The following SOX5 variants were observed in gnomAD, a reference collection of about 807,000 sequenced individuals.
SOX5 encodes the protein SRY-box transcription factor 5.
Under a neutral mutation model 92.0 loss-of-function variants are expected in SOX5, and 9 were observed. That is an observed-to-expected ratio of 0.10 (90% confidence interval 0.06 to 0.17). SOX5 has a LOEUF of 0.17. SOX5 is among the 10% of genes least tolerant of loss of function. SOX5 has a pLI of 1.00. For synonymous variants in SOX5, 344 were observed against 336.3 expected (o/e 1.02, Z -0.25); for missense variants, 642 against 944.5 (o/e 0.68, Z 4.20).
At chr12:24,412,283 A>G (rs1437304485) in intron 1 of SOX5, among the ~76,000 whole-genome samples, 1 of 151,678 alleles carries the variant, frequency 6.6e-6, no homozygotes, top group Non-Finnish European at 1.5e-5. Flanking sequence ...TTTCAATTTT[A>G]TTGACTTTTG....
In SOX5 at chr12:23,618,070, C is replaced by T. The variant is rs116740136; in HGVS notation, c.1018-13537G>A. On this transcript the variant is annotated intron_variant, in intron 8 of 14. Coordinates refer to ENST00000451604, the MANE Select transcript of SOX5 (RefSeq NM_006940.6). ...GGAGGATGAACACTCTGCATCTATT[C>T]CTGAGGTCACCAACCAGCAAATACA... Among the ~76,000 whole-genome samples, 1,038 of 152,236 alleles carry T rather than the reference C, an allele frequency of 6.8e-3. 14 individuals carry two copies. The highest frequency in any genetic ancestry group is 0.024 in the African/African-American group (990 of 41,530).
intron 2 of SOX5, among the ~76,000 whole-genome samples, chr12:23,885,166 C>T (rs1488816840): frequency 6.6e-6 from 1 of 152,136 alleles, no homozygotes; most frequent in Admixed American, 6.5e-5. Flanking sequence ...TGTGTTTATG[C>T]AGAGGGAAAG....
At chr12:23,698,634 T>G (rs564779149) in intron 6 of SOX5, among the ~76,000 whole-genome samples, 1 of 152,328 alleles carries the variant, frequency 6.6e-6, no homozygotes, top group African/African-American at 2.4e-5. Flanking sequence ...ATGCCACTTT[T>G]GATTATTTTT....
At chr12:24,048,418 G>A (rs779380237) in intron 4 of SOX5, among the ~76,000 whole-genome samples, 1 of 152,096 alleles carries the variant, frequency 6.6e-6, no homozygotes, top group African/African-American at 2.4e-5. Context: ...TTATAAACAG[G>A]AGCAGTTCCT....
rs61756179 is a variant in SOX5 at position 23,604,447 on chromosome 12, A to G, written c.1104T>C (p.Ala368=). 1 of 1,613,884 alleles carries G rather than the reference A, an allele frequency of 6.2e-7. No homozygotes were observed. Among genetic ancestry groups the G allele is most frequent in the Non-Finnish European group, 8.5e-7 (1 of 1,179,842 alleles). ...CTGTGTGAATGCTGGTAGGAGATACAGCAGCACCAAGGTTGCCTTGGGGTA... is the reference window on the plus strand; with the variant it reads ...CTGTGTGAATGCTGGTAGGAGATACGGCAGCACCAAGGTTGCCTTGGGGTA... ...PGIPQGNLGA[A]VSPTSIHTDK... The change falls in exon 9 of 15, where the codon GCT becomes GCC. Residue 368 remains alanine (A), a synonymous_variant. Transcript: ENST00000451604.
intron 10 of SOX5, among the ~76,000 whole-genome samples, chr12:23,575,034 C>G (rs1456389584): frequency 6.6e-6 from 1 of 152,166 alleles, no homozygotes; most frequent in Non-Finnish European, 1.5e-5. Flanking sequence ...ATCAATAAAC[C>G]TGTGTTGAAA....
At chr12:23,976,817 G>A (rs1379633153) in intron 4 of SOX5, among the ~76,000 whole-genome samples, 1 of 147,724 alleles carries the variant, frequency 6.8e-6, no homozygotes, top group Admixed American at 6.8e-5. Context: ...TGTTGTTGTT[G>A]TTTTTTTTTT....
At chr12:24,318,211 AAAT>A (rs1949883693) in intron 2 of SOX5, among the ~76,000 whole-genome samples, 1 of 152,198 alleles carries the variant, frequency 6.6e-6, no homozygotes. Flanking sequence ...TCTGTCTCAA[AAAT>A]AATAATAAAA....
intron 3 of SOX5, among the ~76,000 whole-genome samples, chr12:24,273,109 G>A (rs1281904098): frequency 6.6e-6 from 1 of 152,062 alleles, no homozygotes; most frequent in African/African-American, 2.4e-5. Flanking sequence ...GGTGACATGT[G>A]CCTGTTAAGC....
intron 1 of SOX5, among the ~76,000 whole-genome samples, chr12:24,392,607 T>A (rs546995597): frequency 1.3e-5 from 2 of 152,216 alleles, no homozygotes; most frequent in South Asian, 4.1e-4. Flanking sequence ...AACCCTACCC[T>A]CACCCTGTTT....
chr12:23,926,087 G>T (rs4469991), intron 1 of SOX5, among the ~76,000 whole-genome samples: 4 of 151,918 alleles, frequency 2.6e-5, no homozygotes, highest in South Asian at 4.1e-4. Flanking sequence ...GGATGGCTTG[G>T]TATTTTAATT....
At chr12:24,304,213 T>C (rs1948317479) in intron 2 of SOX5, among the ~76,000 whole-genome samples, 2 of 152,160 alleles carry the variant, frequency 1.3e-5, no homozygotes. Flanking sequence ...GTCAAAGAGA[T>C]AGCATGAACC....
intron 9 of SOX5, among the ~76,000 whole-genome samples, chr12:23,579,099 G>C (rs1949685516): frequency 6.6e-6 from 1 of 152,144 alleles, no homozygotes; most frequent in Admixed American, 6.6e-5. Context: ...ATGTGGATGT[G>C]GGTGCTCATG....
intron 3 of SOX5, among the ~76,000 whole-genome samples, chr12:23,831,765 T>C (rs1456346585): frequency 6.6e-6 from 1 of 152,042 alleles, no homozygotes; most frequent in Admixed American, 6.6e-5. Flanking sequence ...GTTCTAGTTG[T>C]TTAAATAATG....
At chr12:23,672,849 A>T (rs1208258843) in intron 6 of SOX5, among the ~76,000 whole-genome samples, 1 of 152,134 alleles carries the variant, frequency 6.6e-6, no homozygotes, top group Non-Finnish European at 1.5e-5. Context: ...TTCATTCTTA[A>T]TGCTATGCAG....
intron 2 of SOX5, among the ~76,000 whole-genome samples, chr12:23,871,318 A>C (rs2096869863): frequency 6.6e-6 from 1 of 152,204 alleles, no homozygotes; most frequent in Non-Finnish European, 1.5e-5. Context: ...AATGAAAAAT[A>C]ACTTTATCTT....
chr12:23,701,734 T>C (rs1476461400), intron 6 of SOX5, among the ~76,000 whole-genome samples: 2 of 152,050 alleles, frequency 1.3e-5, no homozygotes, highest in Non-Finnish European at 1.5e-5. Flanking sequence ...TGTAGTGACA[T>C]AAGACCCCTC....
At chr12:24,087,759 A>C (rs1944181586) in intron 4 of SOX5, among the ~76,000 whole-genome samples, 1 of 136,636 alleles carries the variant, frequency 7.3e-6, no homozygotes, top group Admixed American at 7.6e-5. Flanking sequence ...CTAGGAGCAG[A>C]TTGTTAAACA....
intron 7 of SOX5, 135 bp downstream of exon 7, chr12:23,665,298 CTTCTCCACACA>C: frequency 1.2e-6 from 1 of 868,512 alleles, no homozygotes; most frequent in South Asian, 1.5e-5. Context: ...TACTAACACA[CTTCTCCACACA>C]TTCTGTGTGT....
Sources: allele counts gnomAD v4.1 joint callset (sites outside exome capture counted in the v4.1 genomes callset), GRCh38; gene constraint gnomAD v4.1.1; transcripts MANE v1.5; gene names NCBI Gene and HGNC (gene_info 2026-07-23, HGNC 2026-07-21).